Variants in RELCH observed in about 807,000 individuals in gnomAD.
RELCH encodes RAB11-binding protein RELCH.
RELCH carries 41 observed loss-of-function variants against 150.3 expected under a neutral mutation model. The ratio of observed to expected loss-of-function variants is 0.27; its 90% CI spans 0.21 to 0.35. The LOEUF is 0.35. Ranked by LOEUF, RELCH falls within the 10% of genes least tolerant of loss-of-function variation. The probability of loss-of-function intolerance (pLI) is 1.00; values close to 1 mark genes in which losing one functional copy is unlikely to be tolerated. For missense variants in RELCH, 1,092 were observed against 1,467.8 expected, an observed-to-expected ratio of 0.74 and a Z score of 4.18; for synonymous variants, 478 against 531.8, an observed-to-expected ratio of 0.90 and a Z score of 1.39.
At chr18:62,206,844 A>G (rs775931922) in intron 1 of RELCH, among the ~76,000 whole-genome samples, 88 of 125,204 alleles carry the variant, frequency 7.0e-4, no homozygotes, top group Admixed American at 1.9e-3. Flanking sequence ...TGTAACTGCT[A>G]TTCATACACA....
chr18:62,213,711 CAG>C (rs2040309961), intron 2 of RELCH, among the ~76,000 whole-genome samples: 3 of 111,784 alleles, frequency 2.7e-5, no homozygotes, highest in African/African-American at 1.1e-4. Flanking sequence ...GCCTGGGTGA[CAG>C]AGTGAGACTC....
intron 1 of RELCH, among the ~76,000 whole-genome samples, chr18:62,200,129 C>G (rs1353603192): frequency 6.6e-6 from 1 of 152,190 alleles, no homozygotes; most frequent in Non-Finnish European, 1.5e-5. Context: ...TGAAGTTCCA[C>G]TCTTTCTGAA....
chr18:62,276,875 C>T (rs1378420447), intron 22 of RELCH, among the ~76,000 whole-genome samples: 6 of 151,974 alleles, frequency 3.9e-5, no homozygotes, highest in African/African-American at 1.4e-4. Context: ...GTACAAGTTC[C>T]TTCTGGATAT....
At chr18:62,210,490 CA>C (rs1306754917) in intron 1 of RELCH, among the ~76,000 whole-genome samples, 1 of 152,164 alleles carries the variant, frequency 6.6e-6, no homozygotes, top group Non-Finnish European at 1.5e-5. Context: ...TTAGGCTGTA[CA>C]AGGCATTTTT....
chr18:62,242,714 C>G (rs1016014473), intron 10 of RELCH, among the ~76,000 whole-genome samples: 4 of 152,058 alleles, frequency 2.6e-5, no homozygotes, highest in Non-Finnish European at 5.9e-5. Context: ...TTAAGGATCA[C>G]TAAGCCTCAT....
chr18:62,238,791 T>A (rs1436135577), intron 10 of RELCH, among the ~76,000 whole-genome samples: 1 of 152,036 alleles, frequency 6.6e-6, no homozygotes, highest in Admixed American at 6.6e-5. Flanking sequence ...ACAATTGAAA[T>A]GGATGGACTT....
At chr18:62,299,157 C>A (rs2045552120) in intron 28 of RELCH, among the ~76,000 whole-genome samples, 1 of 152,144 alleles carries the variant, frequency 6.6e-6, no homozygotes, top group Non-Finnish European at 1.5e-5. Flanking sequence ...TTTTATGTAG[C>A]TGGGTTGTTC....
At chr18:62,195,067 A>T (rs1170123633) in intron 1 of RELCH, among the ~76,000 whole-genome samples, 1 of 152,202 alleles carries the variant, frequency 6.6e-6, no homozygotes, top group Non-Finnish European at 1.5e-5. Flanking sequence ...TTTACAAAAC[A>T]TTCAAATATG....
chr18:62,280,233 A>G, intron 23 of RELCH: 1 of 711,184 alleles, frequency 1.4e-6, no homozygotes, highest in South Asian at 1.7e-5. Context: ...TAACATTTTA[A>G]TGTCTCGTGT....
intron 1 of RELCH, among the ~76,000 whole-genome samples, chr18:62,197,587 A>G (rs1338388347): frequency 6.6e-6 from 1 of 152,196 alleles, no homozygotes; most frequent in Non-Finnish European, 1.5e-5. Flanking sequence ...AAATCTATAT[A>G]GGAAAACCTG....
intron 27 of RELCH, among the ~76,000 whole-genome samples, chr18:62,292,616 A>T (rs2045210488): frequency 6.6e-6 from 1 of 152,206 alleles, no homozygotes; most frequent in African/African-American, 2.4e-5. Context: ...TCCTACAGGC[A>T]TCATTTAAAA....
intron 10 of RELCH, among the ~76,000 whole-genome samples, chr18:62,243,710 T>A (rs1362796493): frequency 2.0e-5 from 3 of 152,090 alleles, no homozygotes; most frequent in African/African-American, 7.2e-5. Flanking sequence ...CAGTGTAGAC[T>A]TTTTATCATG....
At position 62,258,535 on chromosome 18, in the gene RELCH, C is replaced by T; in HGVS notation, c.2061C>T (p.Ala687=). The T allele has an allele frequency of 6.2e-7, 1 of 1,607,232 alleles. No individual in the cohort carries two copies. The highest frequency in any genetic ancestry group is 8.5e-7 in the Non-Finnish European group (1 of 1,177,456). The change falls in exon 15 of 29, where the codon GCC becomes GCT. Residue 687 remains alanine (A), a synonymous_variant. Coordinates refer to ENST00000644646, the MANE Select transcript of RELCH (RefSeq NM_001346231.2). ...AGGGTTTTGAATTGTTGCTGTCAGC[C>T]TTGGGTGATCCCTCAGAAAGAGTAG... is the stretch of plus-strand genomic sequence containing the variant. ...YHQGFELLLS[A]LGDPSERVVS...
intron 19 of RELCH, among the ~76,000 whole-genome samples, chr18:62,267,496 G>A (rs866895438): frequency 0.028 from 3,939 of 139,552 alleles, 160 homozygotes; most frequent in East Asian, 0.17. Context: ...GTGTGTGTGT[G>A]TGTGTGTGTG....
intron 25 of RELCH, among the ~76,000 whole-genome samples, chr18:62,283,772 G>A (rs1398404210): frequency 2.0e-5 from 3 of 152,178 alleles, no homozygotes; most frequent in Admixed American, 6.5e-5. Flanking sequence ...GAACTCTGAA[G>A]GTGCTTTGAC....
chr18:62,244,786 G>T lies in RELCH; in HGVS notation c.1643G>T (p.Cys548Phe). The T allele has an allele frequency of 1.2e-6, 2 of 1,612,432 alleles. No individual in the cohort carries two copies. Among genetic ancestry groups the T allele is most frequent in the Non-Finnish European group, 8.5e-7 (1 of 1,178,688 alleles). Residue 548 changes from cysteine to phenylalanine, a missense_variant, in exon 11 of 29, where the codon TGT (cysteine) becomes TTT (phenylalanine). Cys to Phe is a radical substitution (Grantham distance 205). Around this residue, in one of 4 missense-constraint regions of RELCH, gnomAD observed 707 missense variants for 1,025.4 expected, o/e 0.69. Coordinates refer to ENST00000644646, the MANE Select transcript of RELCH (RefSeq NM_001346231.2). ...TAGGAGTTGATCCCCCTCATATTGT[G>T]TACAGCATGTCTACATCCTGAGCCT... Reference protein sequence around the residue: ...KREELIPLILCTACLHPEPKE... With the variant: ...KREELIPLILFTACLHPEPKE...
intron 21 of RELCH, among the ~76,000 whole-genome samples, chr18:62,275,050 G>A (rs994832823): frequency 6.6e-6 from 1 of 152,168 alleles, no homozygotes; most frequent in African/African-American, 2.4e-5. Context: ...CTGAGTAGCT[G>A]GGACTACAGG....
Position 62,187,410 on chromosome 18 carries a change from C to T in RELCH, c.-96C>T. 2.5e-6 allele frequency: 3 copies of T among 1,210,720 alleles called. No individual in the cohort carries two copies. The highest frequency in any genetic ancestry group is 7.3e-5 in the East Asian group (2 of 27,582). 75.0% of individuals were successfully genotyped at this position (1,210,720 alleles called of 1,614,324 possible). On this transcript the variant is annotated 5_prime_UTR_variant, in exon 1 of 29. Coordinates refer to ENST00000644646, the MANE Select transcript of RELCH (RefSeq NM_001346231.2). ...GAGGCAGGACGTGGTCAGGCCGGGGCTGTGGAGGTGCGCTGTGTCCCCTGA... is the reference window on the plus strand; with the variant it reads ...GAGGCAGGACGTGGTCAGGCCGGGGTTGTGGAGGTGCGCTGTGTCCCCTGA...
chr18:62,219,208 TC>T (rs2040677729), intron 2 of RELCH, among the ~76,000 whole-genome samples: 1 of 151,810 alleles, frequency 6.6e-6, no homozygotes. Context: ...CATGGGTTTT[TC>T]TGGCTTTCTG....
Sources: gnomAD v4.1 joint callset for allele counts (sites outside exome capture counted in the v4.1 genomes callset) on GRCh38, gnomAD v4.1.1 for gene constraint, gnomAD v4.1.1 regional missense constraint, MANE v1.5 for transcripts, NCBI Gene and HGNC (gene_info 2026-07-23, HGNC 2026-07-21) for gene names.